The following RBFOX3 variants were observed in gnomAD, a reference collection of about 807,000 sequenced individuals.
The protein encoded by RBFOX3 is RNA binding fox-1 homolog 3.
RBFOX3 carries 17 observed loss-of-function variants against 48.7 expected under a neutral mutation model. That is an observed-to-expected ratio of 0.35 (90% CI 0.24 to 0.52). RBFOX3 has a LOEUF of 0.52. RBFOX3 is among the 20% of genes least tolerant of loss of function. The pLI is 0.94. For missense variants in RBFOX3, 382 were observed against 497.5 expected (o/e 0.77, Z 2.21); for synonymous variants, 212 against 209.5 (o/e 1.01, Z -0.10).
chr17:79,398,089 C>T (rs918068688), intron 2 of RBFOX3, among the ~76,000 whole-genome samples: 1 of 152,128 alleles, frequency 6.6e-6, no homozygotes, highest in Non-Finnish European at 1.5e-5. Flanking sequence ...CTTGTCGGGG[C>T]CCCAGAGTCA....
At chr17:79,394,309 C>T (rs2061722666) in intron 2 of RBFOX3, among the ~76,000 whole-genome samples, 1 of 152,226 alleles carries the variant, frequency 6.6e-6, no homozygotes, top group Non-Finnish European at 1.5e-5. Context: ...ACCCTGATCA[C>T]TGAGACACTC....
chr17:79,139,854 C>T lies in RBFOX3; in HGVS notation c.-33-24106G>A, dbSNP rs187343264. 1.1e-4 allele frequency among the ~76,000 whole-genome samples: 17 copies of T among 152,332 alleles called. No individual in the cohort carries two copies. The East Asian group carries it at 2.5e-3, about 22-fold the overall frequency. The stretch of plus-strand genomic sequence containing the variant: ...AACCACCGTGTGTGCCCGGGGAGGA[C>T]GTCTTGCTGACTTCATCCCAGCCAG... On this transcript the variant is annotated intron_variant, in intron 4 of 14. Coordinates refer to ENST00000693108, the MANE Select transcript of RBFOX3 (RefSeq NM_001350451.2).
intron 2 of RBFOX3, among the ~76,000 whole-genome samples, chr17:79,458,074 G>C (rs567578296): frequency 6.6e-6 from 1 of 152,156 alleles, no homozygotes; most frequent in Admixed American, 6.5e-5. Flanking sequence ...CGGGGGACCC[G>C]GGTGTGCCTC....
chr17:79,210,442 C>T (rs190300525), intron 4 of RBFOX3, among the ~76,000 whole-genome samples: 16 of 152,284 alleles, frequency 1.1e-4, no homozygotes, highest in Non-Finnish European at 2.1e-4. Context: ...GACTTCCTAC[C>T]CATCAGGTCT....
intron 3 of RBFOX3, among the ~76,000 whole-genome samples, chr17:79,248,868 G>A (rs1199866880): frequency 3.9e-5 from 6 of 152,210 alleles, no homozygotes; most frequent in East Asian, 1.9e-4. Context: ...CTCCAGCTCC[G>A]CAGAGATTCT....
At chr17:79,116,832 C>G (rs141798780) in intron 4 of RBFOX3, among the ~76,000 whole-genome samples, 7 of 152,384 alleles carry the variant, frequency 4.6e-5, no homozygotes, top group Non-Finnish European at 1.0e-4. Flanking sequence ...GGCAGGACCC[C>G]AGCAGCAATA....
intron 2 of RBFOX3, among the ~76,000 whole-genome samples, chr17:79,453,639 T>A (rs543438846): frequency 6.6e-6 from 1 of 152,232 alleles, no homozygotes; most frequent in South Asian, 2.1e-4. Context: ...GATGTGTGGG[T>A]ATGTGCAGGT....
chr17:79,615,123 T>C (rs2093989017), upstream of RBFOX3, among the ~76,000 whole-genome samples: 1 of 151,708 alleles, frequency 6.6e-6, no homozygotes, highest in South Asian at 2.1e-4. Context: ...GGAACGAGAA[T>C]AGCTCCAGAA....
chr17:79,095,640 T>C, intron 12 of RBFOX3, 66 bp from the exon 13 acceptor site: 1 of 1,412,210 alleles, frequency 7.1e-7, no homozygotes, highest in Non-Finnish European at 9.8e-7. Context: ...AAAGGCTGAG[T>C]GGGGAGAGGA....
chr17:79,558,137 G>A (rs1840873967), intron 1 of RBFOX3, among the ~76,000 whole-genome samples: 1 of 152,186 alleles, frequency 6.6e-6, no homozygotes, highest in African/African-American at 2.4e-5. Context: ...TGTCACACGG[G>A]GAGGGTGATT....
At chr17:79,375,529 G>A (rs2059122781) in intron 2 of RBFOX3, among the ~76,000 whole-genome samples, 1 of 152,160 alleles carries the variant, frequency 6.6e-6, no homozygotes, top group African/African-American at 2.4e-5. Context: ...TCTGGGGAGG[G>A]AGCAGCGTTC....
intron 2 of RBFOX3, among the ~76,000 whole-genome samples, chr17:79,329,528 G>A (rs1445953381): frequency 2.0e-5 from 3 of 152,092 alleles, no homozygotes; most frequent in Non-Finnish European, 4.4e-5. Flanking sequence ...TTCATTAAAG[G>A]GCCACTATAT....
At chr17:79,459,405 C>T (rs1311508676) in intron 2 of RBFOX3, among the ~76,000 whole-genome samples, 2 of 152,278 alleles carry the variant, frequency 1.3e-5, no homozygotes, top group South Asian at 2.1e-4. Flanking sequence ...TCATTTTTCT[C>T]CAAGAAGTGG....
At chr17:79,208,024 G>A (rs1348716838) in intron 4 of RBFOX3, among the ~76,000 whole-genome samples, 3 of 152,152 alleles carry the variant, frequency 2.0e-5, no homozygotes, top group Non-Finnish European at 4.4e-5. Context: ...GCCCTTCTCT[G>A]GCCAGCTCTT....
intron 2 of RBFOX3, among the ~76,000 whole-genome samples, chr17:79,325,170 C>T (rs769159062): frequency 2.0e-5 from 3 of 152,206 alleles, no homozygotes; most frequent in Non-Finnish European, 4.4e-5. Flanking sequence ...GAGAAGCAGA[C>T]GGAGGAAACT....
intron 2 of RBFOX3, among the ~76,000 whole-genome samples, chr17:79,371,293 A>T (rs2058504851): frequency 6.6e-6 from 1 of 152,252 alleles, no homozygotes; most frequent in South Asian, 2.1e-4. Flanking sequence ...AAATGGGCAC[A>T]TCCGAAGGGC....
intron 2 of RBFOX3, among the ~76,000 whole-genome samples, chr17:79,442,042 CA>C (rs2071031488): frequency 6.6e-6 from 1 of 151,622 alleles, no homozygotes; most frequent in South Asian, 2.1e-4. Context: ...CTTCCAAGAG[CA>C]AAGATGCTCT....
chr17:79,375,358 G>GACACACAC (rs534923135), intron 2 of RBFOX3, among the ~76,000 whole-genome samples: 13,181 of 136,130 alleles, frequency 0.097, 792 homozygotes, highest in East Asian at 0.15. Context: ...GAAGACAGAA[G>GACACACAC]ACACACACAC....
chr17:79,212,238 G>A lies in RBFOX3; in HGVS notation c.-34+23528C>T, dbSNP rs1033048528. On this transcript the variant is annotated intron_variant, in intron 4 of 14. Coordinates refer to ENST00000693108, the MANE Select transcript of RBFOX3 (RefSeq NM_001350451.2). This position sits in a 1 kb window ranked among gnomAD's most constrained non-coding sequence, Gnocchi z 4.7. Reference sequence around the variant, plus strand: ...AAACTCTAGACACCCTTGGCCACCCGCTGCCCTGGGTTCTTCCAGGCTGGG... The same window carrying A: ...AAACTCTAGACACCCTTGGCCACCCACTGCCCTGGGTTCTTCCAGGCTGGG... 3.9e-5 allele frequency among the ~76,000 whole-genome samples: 6 copies of A among 152,256 alleles called. No homozygotes were observed. In the East Asian group the frequency reaches 9.7e-4, roughly 25 times the overall value.
Sources: gnomAD v4.1 joint callset for allele counts (sites outside exome capture counted in the v4.1 genomes callset) on GRCh38, gnomAD v4.1.1 for gene constraint, Gnocchi (gnomAD v3.1) non-coding constraint, MANE v1.5 for transcripts, NCBI Gene and HGNC (gene_info 2026-07-23, HGNC 2026-07-21) for gene names.